Variants in CIMIP5 observed in about 807,000 individuals in gnomAD.
CIMIP5 encodes the protein uncharacterized protein C2orf50.
chr2:11,144,227 G>T, the CIMIP5 span: 1 of 812,680 alleles, frequency 1.2e-6, no homozygotes, highest in South Asian at 2.6e-5. Flanking sequence ...TGCACTGTCT[G>T]TAAGCTGCAG....
At chr2:11,134,368 TA>T in the CIMIP5 span, among the ~76,000 whole-genome samples, 3 of 152,222 alleles carry the variant, frequency 2.0e-5, no homozygotes, top group Non-Finnish European at 4.4e-5. Context: ...TCCAGGATTT[TA>T]AGCGGGAACA....
chr2:11,145,441 A>G, the CIMIP5 span: 1 of 152,320 alleles, frequency 6.6e-6, no homozygotes, highest in South Asian at 2.1e-4. Flanking sequence ...CCTTTTAAGG[A>G]CCCTTGTGAT....
chr2:11,133,310 G>GCGCA, the CIMIP5 span: 10 of 1,356,514 alleles, frequency 7.4e-6, no homozygotes, highest in African/African-American at 1.3e-4. Context: ...TGACACAAGC[G>GCGCA]CACACACACA....
the CIMIP5 span, among the ~76,000 whole-genome samples, chr2:11,134,568 T>G: frequency 6.6e-6 from 1 of 152,224 alleles, no homozygotes; most frequent in African/African-American, 2.4e-5. Context: ...GAAGTGGAAT[T>G]GTGCAATATT....
chr2:11,136,593 A>G, the CIMIP5 span, among the ~76,000 whole-genome samples: 25,041 of 152,056 alleles, frequency 0.16, 5,971 homozygotes, highest in African/African-American at 0.53. Flanking sequence ...GACTGACTGC[A>G]AATGGACACA....
the CIMIP5 span, chr2:11,133,713 G>A: frequency 7.1e-7 from 1 of 1,412,598 alleles, no homozygotes. Flanking sequence ...GGCATGGCAT[G>A]CCCGGGGGAA....
the CIMIP5 span, among the ~76,000 whole-genome samples, chr2:11,138,072 C>T: frequency 6.6e-6 from 1 of 152,190 alleles, no homozygotes; most frequent in Admixed American, 6.5e-5. Flanking sequence ...TCTCGATCTC[C>T]TGACCTCGTG....
At chr2:11,133,500 C>G in the CIMIP5 span, 199 of 1,608,446 alleles carry the variant, frequency 1.2e-4, no homozygotes, top group East Asian at 2.8e-3. Context: ...GAAGGCGCAG[C>G]GGGTGGCTCA....
chr2:11,133,717 G>A, the CIMIP5 span: 11 of 1,367,548 alleles, frequency 8.0e-6, no homozygotes, highest in East Asian at 2.3e-4. Context: ...TGGCATGCCC[G>A]GGGGAAGGTG....
chr2:11,138,315 A>T, the CIMIP5 span, among the ~76,000 whole-genome samples: 1 of 152,222 alleles, frequency 6.6e-6, no homozygotes, highest in Non-Finnish European at 1.5e-5. Flanking sequence ...AAAGAATACA[A>T]GGTTGTACAA....
At chr2:11,150,595 G>T in the CIMIP5 span, among the ~76,000 whole-genome samples, 2 of 151,818 alleles carry the variant, frequency 1.3e-5, no homozygotes, top group South Asian at 4.2e-4. Flanking sequence ...GCCTCCCAAA[G>T]TGCTGGGATT....
At chr2:11,146,525 C>T in the CIMIP5 span, 3 of 152,204 alleles carry the variant, frequency 2.0e-5, no homozygotes, top group South Asian at 2.1e-4. Flanking sequence ...AATAGATCAT[C>T]GGTGTTTCCA....
the CIMIP5 span, among the ~76,000 whole-genome samples, chr2:11,139,184 C>T: frequency 6.6e-6 from 1 of 152,188 alleles, no homozygotes; most frequent in African/African-American, 2.4e-5. Context: ...TCCCAAAGTG[C>T]TGGGATTACA....
chr2:11,148,369 G>A, the CIMIP5 span, among the ~76,000 whole-genome samples: 8 of 151,962 alleles, frequency 5.3e-5, no homozygotes, highest in East Asian at 3.9e-4. Context: ...CACCTGCCTC[G>A]GCCTCCCAAA....
At chr2:11,147,064 A>T in the CIMIP5 span, among the ~76,000 whole-genome samples, 25,167 of 152,224 alleles carry the variant, frequency 0.17, 6,037 homozygotes, top group African/African-American at 0.53. Flanking sequence ...GCCAGGGACC[A>T]GCGCCGGTTC....
the CIMIP5 span, among the ~76,000 whole-genome samples, chr2:11,151,712 T>C: frequency 2.2e-3 from 339 of 152,386 alleles, 4 homozygotes; most frequent in African/African-American, 8.1e-3. Flanking sequence ...CTCGGCCCAG[T>C]GCAACCTGTG....
chr2:11,142,702 C>T, the CIMIP5 span, among the ~76,000 whole-genome samples: 1 of 151,142 alleles, frequency 6.6e-6, no homozygotes, highest in Admixed American at 6.6e-5. Flanking sequence ...GGATGTTTTC[C>T]CACTTGTCAG....
the CIMIP5 span, among the ~76,000 whole-genome samples, chr2:11,152,549 C>G: frequency 7.9e-5 from 12 of 152,270 alleles, no homozygotes; most frequent in South Asian, 1.2e-3. Context: ...GGAGCTGATT[C>G]ACTCTGTGCA....
the CIMIP5 span, chr2:11,140,618 C>A: frequency 7.9e-7 from 1 of 1,258,810 alleles, no homozygotes; most frequent in Non-Finnish European, 1.1e-6. Context: ...CATCATTCAA[C>A]TAACATTTAT....
Sources: allele counts gnomAD v4.1 joint callset (sites outside exome capture counted in the v4.1 genomes callset), GRCh38; gene constraint gnomAD v4.1.1; transcripts MANE v1.5; gene names NCBI Gene and HGNC (gene_info 2026-07-23, HGNC 2026-07-21).